ZFHX3: variants seen among roughly 807,000 people sequenced by gnomAD.
ZFHX3 encodes zinc finger homeobox 3.
Under a neutral mutation model 279.1 loss-of-function variants are expected in ZFHX3, and 42 were observed. The observed-to-expected ratio is 0.15, with a 90% confidence interval of 0.12 to 0.19. The LOEUF is 0.19. ZFHX3 is among the 10% of genes least tolerant of loss of function. The pLI, the probability that ZFHX3 is intolerant of heterozygous loss-of-function variation, is 1.00. For synonymous variants in ZFHX3, 2,293 were observed against 1,957.8 expected (o/e 1.17, Z -4.52); for missense variants, 4,981 against 4,754.0 (o/e 1.05, Z -1.40).
chr16:73,539,704 C>A (rs1346240048), intron 2 of ZFHX3, among the ~76,000 whole-genome samples: 1 of 152,052 alleles, frequency 6.6e-6, no homozygotes, highest in Non-Finnish European at 1.5e-5. Flanking sequence ...AGAGAGACGG[C>A]TCTTCCACCG....
intron 3 of ZFHX3, among the ~76,000 whole-genome samples, chr16:73,328,225 G>T (rs1437584489): frequency 6.6e-6 from 1 of 152,182 alleles, no homozygotes; most frequent in Admixed American, 6.5e-5. Flanking sequence ...CTTCGGTGGG[G>T]AACAGAGAAG....
chr16:72,997,412 A>G (rs1047528554), intron 1 of ZFHX3, among the ~76,000 whole-genome samples: 1 of 152,194 alleles, frequency 6.6e-6, no homozygotes, highest in African/African-American at 2.4e-5. Context: ...AGTCTTGAGT[A>G]ACCACCCTTG....
chr16:73,521,729 A>G (rs2019611780), intron 2 of ZFHX3, among the ~76,000 whole-genome samples: 1 of 151,928 alleles, frequency 6.6e-6, no homozygotes, highest in South Asian at 2.1e-4. Flanking sequence ...TTTTTTATAT[A>G]GTAGCATTTT....
intron 2 of ZFHX3, among the ~76,000 whole-genome samples, chr16:73,530,750 C>A (rs1421342226): frequency 6.6e-6 from 1 of 152,190 alleles, no homozygotes; most frequent in Non-Finnish European, 1.5e-5. Context: ...TTTCACACTG[C>A]AACATGATTG....
intron 2 of ZFHX3, among the ~76,000 whole-genome samples, chr16:73,622,329 C>T (rs966711123): frequency 6.6e-6 from 1 of 152,096 alleles, no homozygotes; most frequent in African/African-American, 2.4e-5. Context: ...GAGGCTCAGG[C>T]GGGTGGATCA....
intron 2 of ZFHX3, among the ~76,000 whole-genome samples, chr16:73,564,311 G>T (rs1247891594): frequency 6.6e-6 from 1 of 152,268 alleles, no homozygotes; most frequent in East Asian, 1.9e-4. Flanking sequence ...GGCTTGCTGA[G>T]CCACAGCTTC....
chr16:73,191,325 G>A (rs977278655), intron 5 of ZFHX3, among the ~76,000 whole-genome samples: 1 of 152,164 alleles, frequency 6.6e-6, no homozygotes, highest in Admixed American at 6.5e-5. Context: ...GCACAGGTCT[G>A]TTCGCTGGGC....
At chr16:73,475,982 T>G (rs2018758419) in intron 2 of ZFHX3, among the ~76,000 whole-genome samples, 1 of 152,148 alleles carries the variant, frequency 6.6e-6, no homozygotes. Flanking sequence ...ATCAAAAGAT[T>G]CTTCCCAGAG....
At chr16:73,583,688 T>C (rs1448151196) in intron 2 of ZFHX3, among the ~76,000 whole-genome samples, 1 of 152,196 alleles carries the variant, frequency 6.6e-6, no homozygotes, top group Non-Finnish European at 1.5e-5. Flanking sequence ...CATGTTCAAT[T>C]CTATCATGCT....
At chr16:73,707,688 T>C (rs1432156497) in intron 1 of ZFHX3, among the ~76,000 whole-genome samples, 1 of 151,440 alleles carries the variant, frequency 6.6e-6, no homozygotes, top group Non-Finnish European at 1.5e-5. Context: ...CATGTGTACA[T>C]ATGTGACAAA....
At chr16:73,605,778 G>A (rs531203103) in intron 2 of ZFHX3, among the ~76,000 whole-genome samples, 3 of 152,012 alleles carry the variant, frequency 2.0e-5, no homozygotes, top group East Asian at 3.9e-4. Flanking sequence ...GGGCTTTCTC[G>A]GTCTAGGCCA....
intron 2 of ZFHX3, among the ~76,000 whole-genome samples, chr16:73,574,819 G>A (rs1205473858): frequency 6.6e-6 from 1 of 152,044 alleles, no homozygotes; most frequent in Non-Finnish European, 1.5e-5. Flanking sequence ...ACCACCAACT[G>A]CCATGATTTC....
At chr16:72,861,450 G>C (rs1049668595) in intron 4 of ZFHX3, among the ~76,000 whole-genome samples, 1 of 152,032 alleles carries the variant, frequency 6.6e-6, no homozygotes, top group Non-Finnish European at 1.5e-5. Flanking sequence ...TCAGAGTCTG[G>C]AAAAAGAGAC....
rs1456563586 is a variant in ZFHX3, at chr16:72,811,576, C to T, written c.3864+1G>A. The T allele has an allele frequency of 1.9e-6, 3 of 1,581,140 alleles. No individual in the cohort carries two copies. On this transcript the variant is annotated splice_donor_variant, in intron 7 of 9. Coordinates refer to ENST00000268489, the MANE Select transcript of ZFHX3 (RefSeq NM_006885.4). LOFTEE classifies it high-confidence loss of function. ...CAGGGTGCTGCTCCTGGCTGCCTTA[C>T]CGTCATAATGAGCTTCTCCACGCAG... is the stretch of plus-strand genomic sequence containing the variant.
chr16:73,259,611 A>G (rs73603318), intron 4 of ZFHX3, among the ~76,000 whole-genome samples: 1,784 of 152,340 alleles, frequency 0.012, 35 homozygotes, highest in African/African-American at 0.04. Context: ...TGCAGTTTCT[A>G]TAGCAGGCAA....
intron 1 of ZFHX3, among the ~76,000 whole-genome samples, chr16:72,960,834 C>T (rs1961543486): frequency 6.6e-6 from 1 of 152,184 alleles, no homozygotes; most frequent in Non-Finnish European, 1.5e-5. Context: ...CAGGACTAGA[C>T]ACACTCCGAA....
At chr16:73,624,420 G>C (rs979013435) in intron 2 of ZFHX3, among the ~76,000 whole-genome samples, 1 of 152,146 alleles carries the variant, frequency 6.6e-6, no homozygotes, top group Admixed American at 6.5e-5. Flanking sequence ...AGACGCAGCT[G>C]TCATAAACTC....
Position 73,682,979 on chromosome 16 carries a change from AAAGAAAGAAAGAAAAG to A in ZFHX3, c.-1607-2755_-1607-2740del, listed in dbSNP as rs1567550778. Among the ~76,000 whole-genome samples the A allele has an allele frequency of 3.8e-3, 88 of 23,262 alleles. 10 individuals carry two copies. Among genetic ancestry groups the A allele is most frequent in the South Asian group, 0.014 (7 of 506 alleles). The allele number at this position is 23,262 out of a possible 152,430, so 15.3% of individuals were successfully genotyped here. A position where few individuals can be genotyped will look rare whatever the true frequency, so the allele number is the denominator to read the frequency against. On this transcript the variant is annotated intron_variant, in intron 1 of 17. Transcript: ENST00000641206. ...GAAAGAAAGAAAGAAAGAAAGAAAG[AAAGAAAGAAAGAAAAG>A]AAAGAAAGAAAGAAAGAGAAAGGAG...
At chr16:73,631,927 T>TCACACACACA (rs60955432) in intron 2 of ZFHX3, among the ~76,000 whole-genome samples, 5 of 136,728 alleles carry the variant, frequency 3.7e-5, no homozygotes, top group African/African-American at 1.5e-4. Flanking sequence ...TCTCTCTCTC[T>TCACACACACA]CACACACACA....
Sources: gnomAD v4.1 joint callset for allele counts (sites outside exome capture counted in the v4.1 genomes callset) on GRCh38, gnomAD v4.1.1 for gene constraint, MANE v1.5 for transcripts, NCBI Gene and HGNC (gene_info 2026-07-23, HGNC 2026-07-21) for gene names.